PHEX: variants seen among roughly 807,000 people sequenced by gnomAD.
PHEX encodes phosphate-regulating neutral endopeptidase PHEX.
Under a neutral mutation model 68.0 loss-of-function variants are expected in PHEX, and 16 were observed. That is an observed-to-expected ratio of 0.24 (90% confidence interval 0.16 to 0.36). The LOEUF (loss-of-function observed/expected upper bound fraction) is 0.36, where lower values mean the gene tolerates loss of function less well. PHEX is among the 10% of genes least tolerant of loss of function. The pLI, the probability that PHEX is intolerant of heterozygous loss-of-function variation, is 1.00. For synonymous variants in PHEX, 208 were observed against 205.1 expected (o/e 1.01, Z -0.12); for missense variants, 480 against 575.5 (o/e 0.83, Z 1.70).
At chrX:22,118,867 T>C (rs138397395) in intron 11 of PHEX, among the ~76,000 whole-genome samples, 1,292 of 111,694 alleles carry the variant, frequency 0.012, 18 homozygotes, top group African/African-American at 0.039. Context: ...ATTTAGCAAA[T>C]TGAATTAGAA....
chrX:22,111,546 C>T lies in PHEX; in HGVS notation c.1159C>T (p.Leu387=), dbSNP rs1462925405. 1 of 1,192,831 alleles carries T rather than the reference C, an allele frequency of 8.4e-7. No homozygotes were observed. Among genetic ancestry groups the T allele is most frequent in the East Asian group, 3.0e-5 (1 of 33,786 alleles). ...NLSRRFQYRW[L]EFSRVIQGTT... ...TAGCAGGCGCTTTCAGTATAGATGG[C>T]TGGAATTCTCAAGGGTAAGTTTAAG... The change falls in exon 10 of 22, where the codon CTG becomes TTG. Residue 387 remains leucine (L), a synonymous_variant. Coordinates refer to ENST00000379374, the MANE Select transcript of PHEX (RefSeq NM_000444.6).
At chrX:22,182,163 A>C (rs1337811302) in intron 14 of PHEX, among the ~76,000 whole-genome samples, 1 of 111,751 alleles carries the variant, frequency 8.9e-6, no homozygotes, top group Non-Finnish European at 1.9e-5. Flanking sequence ...TCTTAGAGGA[A>C]AGGCTTTCAG....
intron 11 of PHEX, among the ~76,000 whole-genome samples, chrX:22,124,888 C>G (rs1256181862): frequency 9.0e-6 from 1 of 111,650 alleles, no homozygotes; most frequent in East Asian, 2.8e-4. Context: ...CTATGTAACA[C>G]TGCTAATCCT....
In PHEX at chrX:22,047,742, T is replaced by C. The variant is rs745520528; in HGVS notation, c.349+531T>C. ...TAGCAATGACAAGCTCACACACACA[T>C]ACTCACACGTGGATGCATAGAAACA... On this transcript the variant is annotated intron_variant, in intron 3 of 21. Coordinates refer to ENST00000379374, the MANE Select transcript of PHEX (RefSeq NM_000444.6). Among the ~76,000 whole-genome samples the C allele has an allele frequency of 7.2e-5, 8 of 111,681 alleles. No homozygotes were observed. The South Asian group carries it at 1.5e-3, about 21-fold the overall frequency.
intron 6 of PHEX, among the ~76,000 whole-genome samples, chrX:22,092,749 C>CTTTTTTTTTTTTTTTTTTTTTTTTTTTTT (rs370527485): frequency 7.7e-5 from 6 of 77,951 alleles, no homozygotes; most frequent in African/African-American, 3.3e-4. Context: ...TTCTTTCTTT[C>CTTTTTTTTTTTTTTTTTTTTTTTTTTTTT]TTTTTTTTTT....
intron 12 of PHEX, among the ~76,000 whole-genome samples, chrX:22,162,174 C>T (rs754510501): frequency 3.8e-4 from 42 of 111,939 alleles, no homozygotes; most frequent in Non-Finnish European, 7.1e-4. Context: ...AAAGAGTCCT[C>T]CAACTTTTGG....
intron 8 of PHEX, among the ~76,000 whole-genome samples, 162 bp from the exon 9 acceptor site, chrX:22,098,844 G>A (rs1190202516): frequency 2.0e-5 from 2 of 98,699 alleles, no homozygotes; most frequent in African/African-American, 3.9e-5. Flanking sequence ...AGGTCTGGAT[G>A]GCAATGATCA....
chrX:22,135,816 C>G (rs1397942491), intron 12 of PHEX, among the ~76,000 whole-genome samples: 1 of 112,022 alleles, frequency 8.9e-6, no homozygotes, highest in African/African-American at 3.2e-5. Context: ...TTTGAACACT[C>G]TGCTTTCTTT....
intron 11 of PHEX, among the ~76,000 whole-genome samples, chrX:22,131,972 G>C (rs1164997442): frequency 8.9e-6 from 1 of 112,163 alleles, no homozygotes; most frequent in Non-Finnish European, 1.9e-5. Context: ...CTGGTCCACA[G>C]ACACCGGCAG....
chrX:22,239,469 T>A lies in PHEX; in HGVS notation c.2071-5864T>A, dbSNP rs749343036. Among the ~76,000 whole-genome samples the A allele has an allele frequency of 1.6e-4, 18 of 111,055 alleles. No individual in the cohort carries two copies. The East Asian group carries it at 4.8e-3, about 30-fold the overall frequency. ...AGGTAAAGGAGCATGTTCTAACCCA[T>A]TGCAAGGAAGCTAAGAACCTTGAAA... On this transcript the variant is annotated intron_variant, in intron 20 of 21. Transcript: ENST00000379374.
chrX:22,238,509 A>C (rs1339577617), intron 20 of PHEX, among the ~76,000 whole-genome samples: 1 of 111,823 alleles, frequency 8.9e-6, no homozygotes, highest in Non-Finnish European at 1.9e-5. Context: ...GCAAGCTGAG[A>C]TCCACTGGCT....
At chrX:22,072,650 A>G (rs1928957218) in intron 3 of PHEX, among the ~76,000 whole-genome samples, 1 of 112,380 alleles carries the variant, frequency 8.9e-6, no homozygotes, top group South Asian at 3.7e-4. Context: ...CTACAAATCA[A>G]TAACAAAAAG....
intron 14 of PHEX, among the ~76,000 whole-genome samples, chrX:22,182,979 G>T (rs1933925088): frequency 9.0e-6 from 1 of 111,546 alleles, no homozygotes; most frequent in African/African-American, 3.3e-5. Context: ...ATGGTTATTT[G>T]TTGACAATGT....
At chrX:22,116,862 A>G (rs1214951909) in intron 11 of PHEX, among the ~76,000 whole-genome samples, 1 of 111,206 alleles carries the variant, frequency 9.0e-6, no homozygotes, top group Non-Finnish European at 1.9e-5. Flanking sequence ...GCATGACAAG[A>G]TAATGAATGA....
At chrX:22,242,781 G>A (rs1321561863) in intron 20 of PHEX, among the ~76,000 whole-genome samples, 1 of 111,620 alleles carries the variant, frequency 9.0e-6, no homozygotes, top group African/African-American at 3.3e-5. Context: ...ATAAAAAGAG[G>A]ACACAAACAA....
chrX:22,207,309 A>T (rs1934743178), intron 15 of PHEX, among the ~76,000 whole-genome samples: 1 of 112,535 alleles, frequency 8.9e-6, no homozygotes, highest in African/African-American at 3.2e-5. Flanking sequence ...CACAATTTGT[A>T]TTTTTGCCTG....
At chrX:22,055,445 G>A (rs1042604340) in intron 3 of PHEX, among the ~76,000 whole-genome samples, 2 of 111,152 alleles carry the variant, frequency 1.8e-5, no homozygotes, top group Admixed American at 9.6e-5. Flanking sequence ...TGGAAGATGT[G>A]AATGTATCTC....
rs1444540493 is a variant in PHEX at position 22,111,700 on chromosome X, G to T, written c.1173+140G>T. The T allele has an allele frequency of 1.0e-5, 5 of 488,778 alleles. No homozygotes were observed. The African/African-American group carries it at 1.2e-4, about 12-fold the overall frequency. 40.3% of individuals were successfully genotyped at this position (488,778 alleles called of 1,213,427 possible). Reference sequence around the variant, plus strand: ...GTAGCCCAAGCTCTATTGTTTTTGTGTGTGTGTGTGTGCCTTATTTATTTT... The same window carrying T: ...GTAGCCCAAGCTCTATTGTTTTTGTTTGTGTGTGTGTGCCTTATTTATTTT... On this transcript the variant is annotated intron_variant, in intron 10 of 21. Coordinates refer to ENST00000379374, the MANE Select transcript of PHEX (RefSeq NM_000444.6).
At chrX:22,134,598 A>G (rs2147087688) in intron 12 of PHEX, among the ~76,000 whole-genome samples, 1 of 112,744 alleles carries the variant, frequency 8.9e-6, no homozygotes, top group South Asian at 3.7e-4. Context: ...ATCTCTGAAT[A>G]AATGAATGAA....
Sources: gnomAD v4.1 joint callset for allele counts (sites outside exome capture counted in the v4.1 genomes callset) on GRCh38, gnomAD v4.1.1 for gene constraint, MANE v1.5 for transcripts, NCBI Gene and HGNC (gene_info 2026-07-23, HGNC 2026-07-21) for gene names.